SMC4: variants seen among roughly 807,000 people sequenced by gnomAD.
The protein encoded by SMC4 is structural maintenance of chromosomes protein 4.
SMC4 carries 87 observed loss-of-function variants against 145.6 expected under a neutral mutation model. That is an observed-to-expected ratio of 0.60 (90% confidence interval 0.50 to 0.71). SMC4 has a LOEUF of 0.71. Ranked by LOEUF, SMC4 falls within the 30% of genes least tolerant of loss-of-function variation. The pLI is 0.00. For synonymous variants in SMC4, 558 were observed against 500.7 expected, an observed-to-expected ratio of 1.11 and a Z score of -1.53; for missense variants, 1,447 against 1,537.1, an observed-to-expected ratio of 0.94 and a Z score of 0.98.
At position 160,432,594 on chromosome 3, in the gene SMC4, A is replaced by G. The variant is rs138494689; in HGVS notation, c.3530+79A>G. 230 of 885,250 alleles carry G rather than the reference A, an allele frequency of 2.6e-4. 2 individuals are homozygous for G. The East Asian group carries it at 6.1e-3, about 24-fold the overall frequency. 54.8% of individuals were successfully genotyped at this position (885,250 alleles called of 1,614,324 possible). ...TCCAAACTCAGTATTTCTTGGAGGT[A>G]GGATGTGAAGGCAAGATGTACAACT... On this transcript the variant is annotated intron_variant, in intron 22 of 23. Transcript: ENST00000357388.
chr3:160,426,098 T>G lies in SMC4; in HGVS notation c.2503T>G (p.Leu835Val), dbSNP rs1717761772. 1 of 1,605,602 alleles carries G rather than the reference T, an allele frequency of 6.2e-7. No individual in the cohort carries two copies. Among genetic ancestry groups the G allele is most frequent in the Middle Eastern group, 1.7e-4 (1 of 5,998 alleles). ...GCGTTTAATAGAGCAAGAAGAATAT[T>G]TGAATGTCCAAGTTAAGGAACTTGA... ...IQRLIEQEEY[L>V]NVQVKELEAN... is the part of the protein sequence containing the mutation. The change falls in exon 17 of 24, where the codon TTG becomes GTG. Residue 835 changes from leucine to valine, a missense_variant. By Grantham distance (32) the Leu-to-Val change is conservative (BLOSUM62 1). Coordinates refer to ENST00000357388, the MANE Select transcript of SMC4 (RefSeq NM_001002800.3).
At chr3:160,412,753 C>A in intron 7 of SMC4, 1 of 805,384 alleles carries the variant, frequency 1.2e-6, no homozygotes, top group Non-Finnish European at 1.5e-6. Flanking sequence ...CTGGCTGTGA[C>A]ACCTGTCATC....
chr3:160,427,515 T>A (rs1040111098), intron 17 of SMC4, among the ~76,000 whole-genome samples: 1 of 152,138 alleles, frequency 6.6e-6, no homozygotes, highest in African/African-American at 2.4e-5. Flanking sequence ...TGTATATCTG[T>A]GCTATTAATG....
At position 160,413,463 on chromosome 3, in the gene SMC4, C is replaced by G; in HGVS notation, c.981-10C>G. 2.6e-6 allele frequency: 4 copies of G among 1,546,204 alleles called. No homozygotes were observed. The highest frequency in any genetic ancestry group is 3.5e-6 in the Non-Finnish European group (4 of 1,156,990). On this transcript the variant is annotated splice_polypyrimidine_tract_variant and intron_variant, in intron 7 of 23. Transcript: ENST00000357388. ...GCTTCAATTTCTTTTTTTTTTTTTC[C>G]TCCCTATAGTTATGAGTTGCAGAAA...
At chr3:160,412,169 T>A in intron 6 of SMC4, 85 bp downstream of exon 6, 1 of 1,470,962 alleles carries the variant, frequency 6.8e-7, no homozygotes, top group Non-Finnish European at 9.2e-7. Context: ...ATTCATGTTA[T>A]AATACTTAAT....
chr3:160,433,237 C>A (rs1163143980), intron 23 of SMC4, 28 bp downstream of exon 23: 1 of 1,535,974 alleles, frequency 6.5e-7, no homozygotes, highest in Non-Finnish European at 8.9e-7. Context: ...GATTTTCATT[C>A]CAGAAACTTT....
intron 5 of SMC4, among the ~76,000 whole-genome samples, chr3:160,408,585 G>C (rs955466674): frequency 2.0e-5 from 3 of 152,210 alleles, no homozygotes; most frequent in Non-Finnish European, 4.4e-5. Context: ...TTGTGACTTG[G>C]ATTGAACCTT....
In SMC4 at chr3:160,424,765, G is replaced by A. The variant is rs146590346; in HGVS notation, c.2326-102G>A. The A allele has an allele frequency of 5.6e-4, 730 of 1,292,324 alleles. 6 individuals carry two copies. In the African/African-American group the frequency reaches 8.7e-3, roughly 15 times the overall value. 80.1% of individuals were successfully genotyped at this position (1,292,324 alleles called of 1,614,324 possible). ...GCGGAGGTTGCAGTGAGCTGAGACC[G>A]CGCCATTGCACTCCAGCCTGGGCGA... On this transcript the variant is annotated intron_variant, in intron 15 of 23. Transcript: ENST00000357388.
chr3:160,410,579 A>G (rs1037293681), intron 5 of SMC4, among the ~76,000 whole-genome samples: 1 of 152,246 alleles, frequency 6.6e-6, no homozygotes, highest in African/African-American at 2.4e-5. Context: ...AATGTTATGG[A>G]AAATAACTTT....
chr3:160,434,612 T>C lies in SMC4; in HGVS notation c.*803T>C, dbSNP rs1349034483. The C allele has an allele frequency of 2.6e-5, 4 of 152,216 alleles. No homozygotes were observed. Among genetic ancestry groups the C allele is most frequent in the African/African-American group, 9.7e-5 (4 of 41,446 alleles). 9.4% of individuals were successfully genotyped at this position (152,216 alleles called of 1,614,324 possible). On this transcript the variant is annotated 3_prime_UTR_variant, in exon 24 of 24. Coordinates refer to ENST00000357388, the MANE Select transcript of SMC4 (RefSeq NM_001002800.3). ...GCATCTATTTAGGGGTTAATTACTT[T>C]AGTAATAAGTGGAAAGTAAGATACC...
chr3:160,431,694 T>G lies in SMC4; in HGVS notation c.3166T>G (p.Ser1056Ala), dbSNP rs753902792. 7 of 1,611,432 alleles carry G rather than the reference T, an allele frequency of 4.3e-6. No homozygotes were observed. The highest frequency in any genetic ancestry group is 1.3e-5 in the African/African-American group (1 of 74,734). The change falls in exon 21 of 24, where the codon TCG becomes GCG. Residue 1056 changes from serine to alanine, a missense_variant. Ser to Ala is a moderately conservative substitution (Grantham distance 99, BLOSUM62 1). Transcript: ENST00000357388. Reference protein sequence around the residue: ...PIEDNPIEEISVLSPEDLEAI... With the variant: ...PIEDNPIEEIAVLSPEDLEAI... ...AGAAGATAATCCTATTGAAGAGATT[T>G]CGGTTCTAAGCCCAGAGGATCTTGA...
chr3:160,425,331 A>T (rs539700191), intron 16 of SMC4, among the ~76,000 whole-genome samples: 1 of 152,248 alleles, frequency 6.6e-6, no homozygotes, highest in South Asian at 2.1e-4. Context: ...TTTAATTATG[A>T]AAAAGCAATG....
Position 160,423,560 on chromosome 3 carries a change from G to C in SMC4, c.2155G>C (p.Asp719His). 1 of 1,613,834 alleles carries C rather than the reference G, an allele frequency of 6.2e-7. No individual in the cohort carries two copies. Among genetic ancestry groups the C allele is most frequent in the Non-Finnish European group, 8.5e-7 (1 of 1,179,882 alleles). The change falls in exon 14 of 24, where the codon GAC becomes CAC. Residue 719 changes from aspartate to histidine, a missense_variant. By Grantham distance (81) the Asp-to-His change is moderately conservative. Transcript: ENST00000357388. The stretch of plus-strand genomic sequence containing the variant: ...TGCTTTACGAGATACCTTAGTAGCT[G>C]ACAACTTGGATCAAGCCACAAGAGT... Reference protein sequence around the residue: ...YFALRDTLVADNLDQATRVAY... With the variant: ...YFALRDTLVAHNLDQATRVAY...
chr3:160,425,974 G>A (rs959068244), intron 16 of SMC4, 100 bp from the exon 17 acceptor site: 4 of 862,908 alleles, frequency 4.6e-6, no homozygotes, highest in Non-Finnish European at 7.3e-6. Flanking sequence ...CTATTAGTGT[G>A]TGTCTTTTTC....
chr3:160,434,093 G>C lies in SMC4; in HGVS notation c.*284G>C, dbSNP rs915199805. ...TAAAAAGTATGTTAGTTGAGGCAAA[G>C]TCCTAAGCAAGGTTGTGCTATCAAG... is the stretch of plus-strand genomic sequence containing the variant. On this transcript the variant is annotated 3_prime_UTR_variant, in exon 24 of 24. Transcript: ENST00000357388. 3.5e-5 allele frequency: 9 copies of C among 255,404 alleles called. No homozygotes were observed. Among genetic ancestry groups the C allele is most frequent in the African/African-American group, 1.8e-4 (8 of 43,476 alleles). 15.8% of individuals were successfully genotyped at this position (255,404 alleles called of 1,614,324 possible). A position where few individuals can be genotyped will look rare whatever the true frequency, so the allele number is the denominator to read the frequency against.
Position 160,401,941 on chromosome 3 carries a change from A to G in SMC4, c.166A>G (p.Arg56Gly). The G allele has an allele frequency of 6.2e-7, 1 of 1,603,382 alleles. No homozygotes were observed. Among genetic ancestry groups the G allele is most frequent in the South Asian group, 1.1e-5 (1 of 88,856 alleles). ...AETASEELDN[R>G]SLEEILNSIP... ...GACTGCAAGTGAGGAACTTGATAAT[A>G]GAAGTTTAGAAGAGATTTTGAACAG... Residue 56 changes from arginine to glycine, a missense_variant, in exon 3 of 24, where the codon AGA becomes GGA. Coordinates refer to ENST00000357388, the MANE Select transcript of SMC4 (RefSeq NM_001002800.3).
intron 9 of SMC4, among the ~76,000 whole-genome samples, chr3:160,415,457 C>T (rs553296860): frequency 3.7e-4 from 57 of 152,128 alleles, no homozygotes; most frequent in Non-Finnish European, 7.5e-4. Flanking sequence ...ATACCTTAAC[C>T]CCAGCCCCGC....
chr3:160,420,728 C>G lies in SMC4; in HGVS notation c.1858-12C>G. 6.2e-7 allele frequency: 1 copy of G among 1,610,758 alleles called. No homozygotes were observed. Among genetic ancestry groups the G allele is most frequent in the Non-Finnish European group, 8.5e-7 (1 of 1,179,106 alleles). ...TGCCTAACTCTTTTTTCACCCCACTCTTCATTATTAGGGGGACTTAGGAGC... is the reference window on the plus strand; with the variant it reads ...TGCCTAACTCTTTTTTCACCCCACTGTTCATTATTAGGGGGACTTAGGAGC... On this transcript the variant is annotated splice_polypyrimidine_tract_variant and intron_variant, in intron 12 of 23. Coordinates refer to ENST00000357388, the MANE Select transcript of SMC4 (RefSeq NM_001002800.3).
At chr3:160,433,595 T>A in intron 23 of SMC4, 62 bp from the exon 24 acceptor site, 4 of 986,198 alleles carry the variant, frequency 4.1e-6, no homozygotes. Context: ...TATTTGAGGT[T>A]ACATGTTTGT....
Sources: gnomAD v4.1 joint callset for allele counts (sites outside exome capture counted in the v4.1 genomes callset) on GRCh38, gnomAD v4.1.1 for gene constraint, MANE v1.5 for transcripts, NCBI Gene and HGNC (gene_info 2026-07-23, HGNC 2026-07-21) for gene names.